The following PDE7B variants were observed in gnomAD, a reference collection of about 807,000 sequenced individuals.
PDE7B encodes phosphodiesterase 7B, also known as 3',5'-cyclic-AMP phosphodiesterase 7B.
A neutral mutation model predicts 56.2 loss-of-function variants in PDE7B; 29 were observed. The ratio of observed to expected loss-of-function variants is 0.52; its 90% CI spans 0.38 to 0.70. The LOEUF is 0.70. Among genes scored for constraint, PDE7B ranks in the 30% least tolerant of loss-of-function variants. PDE7B has a pLI of 0.00. For missense variants in PDE7B, 490 were observed against 565.0 expected (o/e 0.87, Z 1.35); for synonymous variants, 197 against 196.9 (o/e 1.00, Z 0.00).
At chr6:136,013,564 C>T (rs1256818190) in intron 2 of PDE7B, among the ~76,000 whole-genome samples, 3 of 152,148 alleles carry the variant, frequency 2.0e-5, no homozygotes, top group Admixed American at 6.6e-5. Context: ...CATGGGAGGC[C>T]GTTGAACTTG....
At chr6:135,859,013 T>A (rs1313971623) in intron 1 of PDE7B, among the ~76,000 whole-genome samples, 1 of 151,952 alleles carries the variant, frequency 6.6e-6, no homozygotes, top group Non-Finnish European at 1.5e-5. Flanking sequence ...AAGTAATGCT[T>A]CTTCTGTTTG....
chr6:136,030,854 T>G (rs1194415033), intron 2 of PDE7B, among the ~76,000 whole-genome samples: 2 of 152,232 alleles, frequency 1.3e-5, no homozygotes, highest in African/African-American at 2.4e-5. Flanking sequence ...AAATTGCATT[T>G]GACATTTGAT....
chr6:135,989,592 C>T (rs1775445242), intron 2 of PDE7B, among the ~76,000 whole-genome samples: 1 of 151,818 alleles, frequency 6.6e-6, no homozygotes, highest in South Asian at 2.1e-4. Flanking sequence ...CCAGGCTAGG[C>T]AACAAGAGCG....
At chr6:136,128,709 A>G (rs557612895) in intron 3 of PDE7B, among the ~76,000 whole-genome samples, 37 of 152,276 alleles carry the variant, frequency 2.4e-4, no homozygotes, top group African/African-American at 8.7e-4. Context: ...GTGGGTGAGA[A>G]AGACAAGTAA....
intron 1 of PDE7B, among the ~76,000 whole-genome samples, chr6:135,900,133 A>G (rs1775973921): frequency 6.6e-6 from 1 of 152,020 alleles, no homozygotes; most frequent in Non-Finnish European, 1.5e-5. Context: ...ATCTTTTAAA[A>G]AGGGAAAACC....
intron 2 of PDE7B, among the ~76,000 whole-genome samples, chr6:136,024,621 G>C (rs930401438): frequency 2.6e-5 from 4 of 152,092 alleles, no homozygotes; most frequent in African/African-American, 9.7e-5. Context: ...TTAGTGGCTG[G>C]ATTTCATGGA....
Position 135,909,931 on chromosome 6 carries a change from C to T in PDE7B, c.22-37533C>T, listed in dbSNP as rs549033632. 3.3e-5 allele frequency among the ~76,000 whole-genome samples: 5 copies of T among 152,238 alleles called. No homozygotes were observed. The East Asian group carries it at 9.7e-4, about 29-fold the overall frequency. Reference sequence around the variant, plus strand: ...TAGGCTGAAGAGCTCACATCTAATTCTCCAGCACTATGAGCCAGCTAGTCT... The same window carrying T: ...TAGGCTGAAGAGCTCACATCTAATTTTCCAGCACTATGAGCCAGCTAGTCT... On this transcript the variant is annotated intron_variant, in intron 1 of 12. Transcript: ENST00000308191.
chr6:135,882,099 G>A (rs1453335917), intron 1 of PDE7B, among the ~76,000 whole-genome samples: 1 of 152,202 alleles, frequency 6.6e-6, no homozygotes, highest in Non-Finnish European at 1.5e-5. Context: ...GGCTTGGGAT[G>A]AGAAGGAAGG....
At chr6:136,079,208 T>A (rs1055812662) in intron 2 of PDE7B, among the ~76,000 whole-genome samples, 2 of 152,170 alleles carry the variant, frequency 1.3e-5, no homozygotes, top group Non-Finnish European at 2.9e-5. Flanking sequence ...CAAACCTTCC[T>A]AAGTCAGTGA....
chr6:135,871,159 C>A (rs192534241), intron 1 of PDE7B, among the ~76,000 whole-genome samples: 3 of 152,328 alleles, frequency 2.0e-5, no homozygotes, highest in Admixed American at 6.5e-5. Flanking sequence ...TTAGTGCAAT[C>A]ACAGTTATAT....
At chr6:136,065,973 A>G (rs111813435) in intron 2 of PDE7B, among the ~76,000 whole-genome samples, 2,280 of 152,312 alleles carry the variant, frequency 0.015, 26 homozygotes, top group Non-Finnish European at 0.022. Flanking sequence ...AAGGTCACCA[A>G]TTTTACACAC....
At chr6:136,109,125 G>A (rs1469262223) in intron 3 of PDE7B, among the ~76,000 whole-genome samples, 1 of 152,162 alleles carries the variant, frequency 6.6e-6, no homozygotes, top group African/African-American at 2.4e-5. Flanking sequence ...AAGGTGGGAG[G>A]ATTGCTTCAG....
At chr6:136,143,431 T>C (rs900258004) in intron 3 of PDE7B, among the ~76,000 whole-genome samples, 1 of 151,942 alleles carries the variant, frequency 6.6e-6, no homozygotes, top group African/African-American at 2.4e-5. Context: ...ACTTAAAATT[T>C]AGGGGAATAC....
chr6:136,103,826 C>T (rs1777603076), intron 2 of PDE7B, among the ~76,000 whole-genome samples: 1 of 152,194 alleles, frequency 6.6e-6, no homozygotes, highest in Non-Finnish European at 1.5e-5. Context: ...GACACCTTTT[C>T]CTCACCCTGA....
chr6:135,879,705 G>A (rs540485767), intron 1 of PDE7B, among the ~76,000 whole-genome samples: 8 of 152,260 alleles, frequency 5.3e-5, no homozygotes, highest in Non-Finnish European at 1.2e-4. Context: ...AACTATATAT[G>A]AATGAAACAG....
intron 2 of PDE7B, among the ~76,000 whole-genome samples, chr6:135,964,871 G>C (rs942273341): frequency 2.0e-5 from 3 of 152,252 alleles, no homozygotes; most frequent in Non-Finnish European, 4.4e-5. Flanking sequence ...CAGTGGCACA[G>C]TGGCTCATGC....
chr6:136,137,454 A>G (rs1467956135), intron 3 of PDE7B, among the ~76,000 whole-genome samples: 1 of 152,098 alleles, frequency 6.6e-6, no homozygotes, highest in Non-Finnish European at 1.5e-5. Flanking sequence ...TTGGATCTCC[A>G]CGGGTGCTTA....
chr6:136,187,184 A>T, intron 12 of PDE7B, 68 bp downstream of exon 12: 1 of 812,976 alleles, frequency 1.2e-6, no homozygotes, highest in Admixed American at 2.1e-5. Flanking sequence ...GACAAAGAAA[A>T]GATCTAAACA....
intron 1 of PDE7B, among the ~76,000 whole-genome samples, chr6:135,864,455 T>C (rs1489782867): frequency 3.9e-5 from 6 of 152,150 alleles, no homozygotes; most frequent in Non-Finnish European, 5.9e-5. Flanking sequence ...TTCTGATGTG[T>C]ACTTTTGCTG....
Sources: allele counts gnomAD v4.1 joint callset (sites outside exome capture counted in the v4.1 genomes callset), GRCh38; gene constraint gnomAD v4.1.1; transcripts MANE v1.5; gene names NCBI Gene and HGNC (gene_info 2026-07-23, HGNC 2026-07-21).